The following VPS13B variants were observed in gnomAD, a reference collection of about 807,000 sequenced individuals.
VPS13B encodes the protein vacuolar protein sorting 13 homolog B.
Under a neutral mutation model 426.4 loss-of-function variants are expected in VPS13B, and 285 were observed. That is an observed-to-expected ratio of 0.67 (90% CI 0.61 to 0.74). VPS13B has a LOEUF of 0.74. Ranked by LOEUF, VPS13B falls within the 30% of genes least tolerant of loss-of-function variation. The pLI is 0.00. For missense variants in VPS13B, 4,537 were observed against 4,782.6 expected (o/e 0.95, Z 1.51); for synonymous variants, 1,676 against 1,676.4 (o/e 1.00, Z 0.01).
intron 33 of VPS13B, among the ~76,000 whole-genome samples, chr8:99,637,016 G>A (rs977726286): frequency 6.6e-5 from 10 of 151,974 alleles, no homozygotes; most frequent in Non-Finnish European, 1.5e-4. Flanking sequence ...TGATGTAACA[G>A]CACTGCCCAG....
intron 17 of VPS13B, among the ~76,000 whole-genome samples, chr8:99,262,211 G>T (rs1000274882): frequency 6.6e-6 from 1 of 152,012 alleles, no homozygotes; most frequent in Non-Finnish European, 1.5e-5. Flanking sequence ...ATTACTTTTT[G>T]TTTCATGTTG....
intron 56 of VPS13B, among the ~76,000 whole-genome samples, chr8:99,856,918 A>G (rs1169546411): frequency 6.6e-6 from 1 of 152,206 alleles, no homozygotes; most frequent in African/African-American, 2.4e-5. Context: ...ATAAAAATAA[A>G]TAGTAATTGG....
chr8:99,766,692 A>G, intron 39 of VPS13B, 82 bp from the exon 40 acceptor site: 4 of 1,235,022 alleles, frequency 3.2e-6, no homozygotes, highest in Non-Finnish European at 3.4e-6. Context: ...TATAATTTTT[A>G]TAAAGGTTTA....
chr8:99,123,122 CAAAAAAAAA>C (rs71273164), intron 8 of VPS13B, among the ~76,000 whole-genome samples: 1 of 61,438 alleles, frequency 1.6e-5, no homozygotes, highest in African/African-American at 6.2e-5. Flanking sequence ...ACTCTGTCTC[CAAAAAAAAA>C]AAAAAAAAAA....
intron 17 of VPS13B, among the ~76,000 whole-genome samples, chr8:99,201,288 T>C (rs1403517687): frequency 6.6e-6 from 1 of 152,152 alleles, no homozygotes. Context: ...AGTTTTACCA[T>C]TTCTTTCATT....
chr8:99,796,347 A>T (rs1296585000), intron 43 of VPS13B, among the ~76,000 whole-genome samples: 4 of 146,414 alleles, frequency 2.7e-5, no homozygotes, highest in Admixed American at 2.1e-4. Context: ...ATGAGCATGA[A>T]TTTTTTTTTT....
intron 17 of VPS13B, among the ~76,000 whole-genome samples, chr8:99,235,137 A>G (rs908403843): frequency 1.3e-5 from 2 of 152,212 alleles, no homozygotes; most frequent in Non-Finnish European, 2.9e-5. Flanking sequence ...TGCTAGAAGT[A>G]TCAGCATCTT....
At chr8:99,845,168 A>G (rs1042230193) in intron 54 of VPS13B, among the ~76,000 whole-genome samples, 4 of 152,208 alleles carry the variant, frequency 2.6e-5, no homozygotes, top group Admixed American at 6.5e-5. Context: ...CACTACTTCT[A>G]TCAACAATAT....
At chr8:99,318,703 A>G (rs970047614) in intron 19 of VPS13B, among the ~76,000 whole-genome samples, 3 of 151,970 alleles carry the variant, frequency 2.0e-5, no homozygotes, top group Admixed American at 6.6e-5. Context: ...TTGTATTTTT[A>G]TTAGAGACGG....
intron 14 of VPS13B, 145 bp downstream of exon 14, chr8:99,148,155 C>A: frequency 1.1e-6 from 1 of 886,618 alleles, no homozygotes. Context: ...GGGCAGGATG[C>A]ACACTTGAGG....
intron 35 of VPS13B, among the ~76,000 whole-genome samples, chr8:99,662,871 A>T (rs1830295476): frequency 6.6e-6 from 1 of 152,092 alleles, no homozygotes. Context: ...ACATGGTGAA[A>T]CCCTGTCTCT....
At position 99,511,138 on chromosome 8, in the gene VPS13B, A is replaced by G. The variant is rs769643845; in HGVS notation, c.4259A>G (p.Gln1420Arg). The G allele has an allele frequency of 4.3e-6, 7 of 1,613,718 alleles. No homozygotes were observed. The highest frequency in any genetic ancestry group is 5.9e-6 in the Non-Finnish European group (7 of 1,179,984). The stretch of plus-strand genomic sequence containing the variant: ...AAACTTCTAGATGGCACTCATCAGC[A>G]GCATGGATTCCTCTCTCTGACATAC... ...TTKLLDGTHQ[Q>R]HGFLSLTYTK... Residue 1420 changes from glutamine to arginine, a missense_variant, in exon 29 of 62, where the codon CAG becomes CGG. Around this residue, in one of 2 missense-constraint regions of VPS13B, gnomAD observed 4,311 missense variants for 4,474.3 expected, o/e 0.96. Coordinates refer to ENST00000357162, the MANE Select transcript of VPS13B (RefSeq NM_152564.5).
intron 35 of VPS13B, among the ~76,000 whole-genome samples, chr8:99,679,287 G>C (rs1350814364): frequency 6.6e-6 from 1 of 152,086 alleles, no homozygotes; most frequent in Non-Finnish European, 1.5e-5. Context: ...AACAAACAAA[G>C]GATGACATAG....
intron 55 of VPS13B, among the ~76,000 whole-genome samples, chr8:99,851,148 C>G (rs1160383279): frequency 6.6e-6 from 1 of 152,132 alleles, no homozygotes; most frequent in Non-Finnish European, 1.5e-5. Context: ...GTTTATTCAA[C>G]AATTTCAGAA....
At chr8:99,283,723 C>G (rs954214403) in intron 19 of VPS13B, among the ~76,000 whole-genome samples, 2 of 152,224 alleles carry the variant, frequency 1.3e-5, no homozygotes, top group Non-Finnish European at 2.9e-5. Context: ...CATTTAATCA[C>G]AAGCCCAGAA....
chr8:99,507,912 G>C, intron 28 of VPS13B: 1 of 1,613,948 alleles, frequency 6.2e-7, no homozygotes, highest in Non-Finnish European at 8.5e-7. Flanking sequence ...CTTTCCTTCT[G>C]TAAGAAATTA....
chr8:99,556,953 A>G (rs988779833), intron 31 of VPS13B, among the ~76,000 whole-genome samples: 1 of 146,086 alleles, frequency 6.8e-6, no homozygotes, highest in Non-Finnish European at 1.5e-5. Flanking sequence ...TTCTCTTAAA[A>G]TCTATTGTAT....
chr8:99,596,186 G>T (rs898866544), intron 33 of VPS13B, among the ~76,000 whole-genome samples: 1 of 151,748 alleles, frequency 6.6e-6, no homozygotes, highest in Non-Finnish European at 1.5e-5. Flanking sequence ...GAATTTTGCT[G>T]TAAGTTCTTT....
At chr8:99,871,999 C>T (rs1382803763) in intron 61 of VPS13B, among the ~76,000 whole-genome samples, 1 of 152,180 alleles carries the variant, frequency 6.6e-6, no homozygotes, top group African/African-American at 2.4e-5. Flanking sequence ...CTGGCTTGGC[C>T]GTCATGGGGC....
Sources: allele counts gnomAD v4.1 joint callset (sites outside exome capture counted in the v4.1 genomes callset), GRCh38; gene constraint gnomAD v4.1.1; regional missense constraint gnomAD v4.1.1; transcripts MANE v1.5; gene names NCBI Gene and HGNC (gene_info 2026-07-23, HGNC 2026-07-21).